Variants in ALDH1A2 observed in about 807,000 individuals in gnomAD.
ALDH1A2 encodes aldehyde dehydrogenase 1 family member A2, also known as retinal dehydrogenase 2.
ALDH1A2 carries 27 observed loss-of-function variants against 60.3 expected under a neutral mutation model. The ratio of observed to expected loss-of-function variants is 0.45; its 90% confidence interval spans 0.33 to 0.62. The LOEUF (loss-of-function observed/expected upper bound fraction) is 0.62, where lower values mean the gene tolerates loss of function less well. Ranked by LOEUF, ALDH1A2 falls within the 20% of genes least tolerant of loss-of-function variation. The probability of loss-of-function intolerance (pLI) is 0.02; values close to 1 mark genes in which losing one functional copy is unlikely to be tolerated. For synonymous variants in ALDH1A2, 289 were observed against 232.4 expected (o/e 1.24, Z -2.21); for missense variants, 581 against 643.8 (o/e 0.90, Z 1.06).
At chr15:58,033,336 A>G (rs1339003340) in intron 1 of ALDH1A2, among the ~76,000 whole-genome samples, 3 of 151,628 alleles carry the variant, frequency 2.0e-5, no homozygotes, top group Non-Finnish European at 4.4e-5. Context: ...TTTACCTTCT[A>G]TTTTCTCCTT....
chr15:58,058,250 T>C, intron 1 of ALDH1A2: 2 of 553,688 alleles, frequency 3.6e-6, no homozygotes, highest in South Asian at 4.8e-5. Context: ...GGAAATCTGG[T>C]ATATGAGTGT....
intron 4 of ALDH1A2, among the ~76,000 whole-genome samples, chr15:58,003,361 G>GAC (rs2140504862): frequency 6.6e-6 from 1 of 151,950 alleles, no homozygotes; most frequent in East Asian, 1.9e-4. Flanking sequence ...ATTTGTTAAT[G>GAC]ACAGTAAACC....
At chr15:58,021,366 A>C (rs572173550) in intron 1 of ALDH1A2, among the ~76,000 whole-genome samples, 1 of 152,270 alleles carries the variant, frequency 6.6e-6, no homozygotes, top group East Asian at 1.9e-4. Flanking sequence ...GAAGCACCAA[A>C]AGTAAGAAAA....
rs1322476241 is a variant in ALDH1A2, at chr15:57,954,729, C to T, written c.*468G>A. On this transcript the variant is annotated 3_prime_UTR_variant, in exon 13 of 13. Transcript: ENST00000249750. ...GCTTTACAACCTTGAAAAATTGTTCCCGGCCCAAACATCTGCCCCAGAATG... is the reference window on the plus strand; with the variant it reads ...GCTTTACAACCTTGAAAAATTGTTCTCGGCCCAAACATCTGCCCCAGAATG... 5.3e-6 allele frequency: 1 copy of T among 188,434 alleles called. No individual in the cohort carries two copies. Among genetic ancestry groups the T allele is most frequent in the South Asian group, 1.1e-4 (1 of 8,732 alleles). 11.7% of individuals were successfully genotyped at this position (188,434 alleles called of 1,614,324 possible).
intron 7 of ALDH1A2, among the ~76,000 whole-genome samples, chr15:57,975,002 A>C (rs1313197125): frequency 6.6e-6 from 1 of 152,246 alleles, no homozygotes; most frequent in Non-Finnish European, 1.5e-5. Context: ...GGAAATTAAA[A>C]CCACATTGAG....
intron 12 of ALDH1A2, 23 bp from the exon 13 acceptor site, chr15:57,955,292 G>T (rs553798131): frequency 1.2e-6 from 2 of 1,613,730 alleles, no homozygotes; most frequent in Non-Finnish European, 8.5e-7. Context: ...AATGGGCCGG[G>T]TCAGATACCA....
At position 58,020,600 on chromosome 15, in the gene ALDH1A2, G is replaced by A. The variant is rs1354352801; in HGVS notation, c.118-6319C>T. Among the ~76,000 whole-genome samples, 21 of 152,148 alleles carry A rather than the reference G, an allele frequency of 1.4e-4. 1 individual carries two copies. Among genetic ancestry groups the A allele is most frequent in the Admixed American group, 1.4e-3 (21 of 15,272 alleles). On this transcript the variant is annotated intron_variant, in intron 1 of 12. Transcript: ENST00000249750. ...CTGGAACATTATTAGTATTACTGAA[G>A]CTACCTGTGTGTTTCTTCCTAATCC...
intron 7 of ALDH1A2, among the ~76,000 whole-genome samples, chr15:57,991,009 A>G (rs140149216): frequency 4.6e-5 from 7 of 152,304 alleles, no homozygotes; most frequent in East Asian, 1.9e-4. Flanking sequence ...CTTTTGATAT[A>G]GAACCAAGAA....
At chr15:57,988,721 G>A (rs1307813049) in intron 7 of ALDH1A2, among the ~76,000 whole-genome samples, 1 of 152,172 alleles carries the variant, frequency 6.6e-6, no homozygotes, top group East Asian at 1.9e-4. Flanking sequence ...CTTCAGTAAA[G>A]TCATTTAAAA....
chr15:57,963,545 A>T (rs1400596095), intron 9 of ALDH1A2, among the ~76,000 whole-genome samples: 1 of 151,696 alleles, frequency 6.6e-6, no homozygotes, highest in Non-Finnish European at 1.5e-5. Flanking sequence ...GGGTTTCACC[A>T]TATTAGCCAG....
intron 10 of ALDH1A2, among the ~76,000 whole-genome samples, chr15:57,961,605 C>G (rs540483696): frequency 6.6e-6 from 1 of 152,190 alleles, no homozygotes; most frequent in Non-Finnish European, 1.5e-5. Context: ...TGCTCCAGAA[C>G]GGAATGCTCT....
In ALDH1A2 at chr15:58,007,100, G is replaced by A. The variant is rs1181993603; in HGVS notation, c.493+3549C>T. On this transcript the variant is annotated intron_variant, in intron 4 of 12. Transcript: ENST00000249750. ...TTCTGTCTGGTTGGCCATGAGTTCA[G>A]TGTTCATAAATCAACAATATATATT... Among the ~76,000 whole-genome samples the A allele has an allele frequency of 3.3e-5, 5 of 151,804 alleles. No homozygotes were observed. The South Asian group carries it at 8.3e-4, about 25-fold the overall frequency.
chr15:58,006,670 G>A (rs188907025), intron 4 of ALDH1A2, among the ~76,000 whole-genome samples: 4 of 149,720 alleles, frequency 2.7e-5, no homozygotes, highest in African/African-American at 9.8e-5. Context: ...CCACATCCAC[G>A]CCAACATCTA....
chr15:58,045,542 C>T (rs1306683811), intron 1 of ALDH1A2, among the ~76,000 whole-genome samples: 1 of 152,082 alleles, frequency 6.6e-6, no homozygotes, highest in East Asian at 1.9e-4. Context: ...GAAACATATA[C>T]ACCATGGAAT....
Position 57,992,689 on chromosome 15 carries a change from T to G in ALDH1A2, c.798+16A>C. On this transcript the variant is annotated intron_variant, in intron 7 of 12. Coordinates refer to ENST00000249750, the MANE Select transcript of ALDH1A2 (RefSeq NM_003888.4). ...TGCAAGACTGTTCCTCAAGCCCTGG[T>G]TTTTCAGATACCTACCTCAGTAGAC... 3 of 1,611,138 alleles carry G rather than the reference T, an allele frequency of 1.9e-6. No homozygotes were observed. The highest frequency in any genetic ancestry group is 2.5e-6 in the Non-Finnish European group (3 of 1,177,372).
intron 4 of ALDH1A2, among the ~76,000 whole-genome samples, chr15:57,998,615 T>C (rs1448944738): frequency 1.3e-5 from 2 of 152,012 alleles, no homozygotes; most frequent in Admixed American, 6.6e-5. Flanking sequence ...ACCATGAAAA[T>C]GGCTATAATG....
intron 7 of ALDH1A2, among the ~76,000 whole-genome samples, chr15:57,979,522 C>T (rs953449700): frequency 6.6e-6 from 1 of 152,172 alleles, no homozygotes; most frequent in Non-Finnish European, 1.5e-5. Flanking sequence ...TTCTCCTCCA[C>T]AGCCTGGTGG....
At chr15:58,059,438 A>C (rs1896969130) in intron 1 of ALDH1A2, among the ~76,000 whole-genome samples, 1 of 152,194 alleles carries the variant, frequency 6.6e-6, no homozygotes, top group African/African-American at 2.4e-5. Context: ...GACAGTCAGG[A>C]CTAGTAAAAG....
intron 7 of ALDH1A2, among the ~76,000 whole-genome samples, chr15:57,982,792 C>A (rs1455987607): frequency 6.6e-6 from 1 of 152,112 alleles, no homozygotes; most frequent in Non-Finnish European, 1.5e-5. Flanking sequence ...TTGAGGAAAG[C>A]CTAGTATTTT....
Sources: allele counts gnomAD v4.1 joint callset (sites outside exome capture counted in the v4.1 genomes callset), GRCh38; gene constraint gnomAD v4.1.1; transcripts MANE v1.5; gene names NCBI Gene and HGNC (gene_info 2026-07-23, HGNC 2026-07-21).